The following CBX5 variants were observed in gnomAD, a reference collection of about 807,000 sequenced individuals.
The protein encoded by CBX5 is chromobox 5.
A neutral mutation model predicts 20.7 loss-of-function variants in CBX5; 7 were observed. That is an observed-to-expected ratio of 0.34 (90% CI 0.19 to 0.63). The LOEUF (loss-of-function observed/expected upper bound fraction) is 0.63, where lower values mean the gene tolerates loss of function less well. Ranked by LOEUF, CBX5 falls within the 30% of genes least tolerant of loss-of-function variation. The pLI is 0.75. For missense variants in CBX5, 110 were observed against 224.1 expected (o/e 0.49, Z 3.25); for synonymous variants, 78 against 77.0 (o/e 1.01, Z -0.07).
chr12:54,264,985 T>C (rs1454858345), intron 1 of CBX5, among the ~76,000 whole-genome samples: 1 of 152,210 alleles, frequency 6.6e-6, no homozygotes, highest in Non-Finnish European at 1.5e-5. Flanking sequence ...ATAAATTCTA[T>C]AAGCCCCCTA....
intron 1 of CBX5, among the ~76,000 whole-genome samples, chr12:54,268,745 G>A (rs1943980705): frequency 6.6e-6 from 1 of 152,092 alleles, no homozygotes; most frequent in East Asian, 1.9e-4. Context: ...TTATAGAAAA[G>A]GTAAAAGGTA....
At chr12:54,245,103 C>G (rs7307855) in intron 4 of CBX5, among the ~76,000 whole-genome samples, 2,741 of 151,980 alleles carry the variant, frequency 0.018, 53 homozygotes, top group Middle Eastern at 0.11. Context: ...CCTCTGCCTC[C>G]CAGGTTCAAG....
At chr12:54,244,685 C>A (rs887885289) in intron 4 of CBX5, among the ~76,000 whole-genome samples, 3 of 151,944 alleles carry the variant, frequency 2.0e-5, no homozygotes, top group Non-Finnish European at 4.4e-5. Flanking sequence ...TTGCAGTGAG[C>A]CAAGATCGCG....
chr12:54,252,243 G>T lies in CBX5; in HGVS notation c.138-16C>A. On this transcript the variant is annotated splice_polypyrimidine_tract_variant and intron_variant, in intron 2 of 4. Transcript: ENST00000209875. ...ATTGTGCTCCCTGGGTAAGAAAAATGGGAAAATTAAAAAAAAAAGGGGGGG... is the reference window on the plus strand; with the variant it reads ...ATTGTGCTCCCTGGGTAAGAAAAATTGGAAAATTAAAAAAAAAAGGGGGGG... 6.6e-7 allele frequency: 1 copy of T among 1,514,756 alleles called. No homozygotes were observed. Among genetic ancestry groups the T allele is most frequent in the Non-Finnish European group, 8.8e-7 (1 of 1,136,764 alleles). The allele number at this position is 1,514,756 out of a possible 1,614,324, so 93.8% of individuals were successfully genotyped here.
chr12:54,267,359 G>C (rs116052756), intron 1 of CBX5, among the ~76,000 whole-genome samples: 1 of 152,094 alleles, frequency 6.6e-6, no homozygotes, highest in Non-Finnish European at 1.5e-5. Flanking sequence ...TTTTCCAAAC[G>C]TCAGCCATAA....
At chr12:54,244,743 C>A (rs1179590781) in intron 4 of CBX5, among the ~76,000 whole-genome samples, 1 of 152,082 alleles carries the variant, frequency 6.6e-6, no homozygotes, top group Non-Finnish European at 1.5e-5. Flanking sequence ...AAAAAGAAAT[C>A]AAATTGAGAA....
chr12:54,248,163 A>G (rs1943756804), intron 3 of CBX5, among the ~76,000 whole-genome samples: 1 of 151,758 alleles, frequency 6.6e-6, no homozygotes, highest in African/African-American at 2.4e-5. Context: ...AATTTTTTGT[A>G]TTTTTAGTCG....
At chr12:54,251,763 A>C (rs1943806540) in intron 3 of CBX5, among the ~76,000 whole-genome samples, 1 of 152,164 alleles carries the variant, frequency 6.6e-6, no homozygotes, top group Non-Finnish European at 1.5e-5. Flanking sequence ...AAGATAACTA[A>C]GTCTTCTACT....
chr12:54,279,029 C>G (rs1944099373), intron 1 of CBX5: 1 of 152,180 alleles, frequency 6.6e-6, no homozygotes, highest in African/African-American at 2.4e-5. Context: ...ATTTTAATCA[C>G]AAATTATTAA....
Sources: allele counts gnomAD v4.1 joint callset (sites outside exome capture counted in the v4.1 genomes callset), GRCh38; gene constraint gnomAD v4.1.1; transcripts MANE v1.5; gene names NCBI Gene and HGNC (gene_info 2026-07-23, HGNC 2026-07-21).